Variants in GNAS-AS1 observed in about 807,000 individuals in gnomAD.
GNAS-AS1 encodes the protein GNAS antisense RNA 1 (non-protein coding).
At chr20:58,827,728 A>G (rs564311298) in intron 4 of GNAS-AS1, among the ~76,000 whole-genome samples, 39 of 152,346 alleles carry the variant, frequency 2.6e-4, no homozygotes, top group Admixed American at 1.2e-3. Flanking sequence ...GTGAAGCCCA[A>G]TGAAACACAT....
At chr20:58,839,177 T>C in intron 4 of GNAS-AS1, 1 of 398,592 alleles carries the variant, frequency 2.5e-6, no homozygotes, top group African/African-American at 2.1e-5. Flanking sequence ...GGGCCCTTGT[T>C]GAAGAAGATG....
chr20:58,835,032 T>C (rs2085593265), intron 4 of GNAS-AS1, among the ~76,000 whole-genome samples: 1 of 151,800 alleles, frequency 6.6e-6, no homozygotes, highest in African/African-American at 2.4e-5. Context: ...AGCAGCAAAA[T>C]AGCACCCTAG....
chr20:58,825,988 G>A (rs1191301528), intron 4 of GNAS-AS1: 13 of 398,228 alleles, frequency 3.3e-5, no homozygotes, highest in South Asian at 1.3e-4. Flanking sequence ...CTGAGAGTGC[G>A]CCATTCTCTT....
At chr20:58,831,584 T>C (rs548753057) in intron 4 of GNAS-AS1, among the ~76,000 whole-genome samples, 4 of 152,144 alleles carry the variant, frequency 2.6e-5, no homozygotes, top group African/African-American at 9.6e-5. Flanking sequence ...TGAGCCGAGA[T>C]TGAGCCACTG....
At chr20:58,836,915 G>A (rs986726539) in intron 4 of GNAS-AS1, among the ~76,000 whole-genome samples, 1 of 152,198 alleles carries the variant, frequency 6.6e-6, no homozygotes, top group Admixed American at 6.5e-5. Context: ...CAAAGAAAGC[G>A]CATTGCTAAT....
At chr20:58,848,314 C>G (rs959620795) in intron 2 of GNAS-AS1, among the ~76,000 whole-genome samples, 1 of 152,222 alleles carries the variant, frequency 6.6e-6, no homozygotes, top group East Asian at 1.9e-4. Flanking sequence ...CACACAGCCC[C>G]TCATGACAGG....
intron 4 of GNAS-AS1, chr20:58,826,217 G>T (rs899903380): frequency 2.5e-6 from 1 of 397,074 alleles, no homozygotes; most frequent in African/African-American, 2.1e-5. Context: ...CGAATTATTT[G>T]TAGAGTTATG....
At chr20:58,849,381 G>A (rs1187360040) in intron 1 of GNAS-AS1, among the ~76,000 whole-genome samples, 3 of 152,142 alleles carry the variant, frequency 2.0e-5, no homozygotes, top group Non-Finnish European at 4.4e-5. Context: ...CCTGTCCAGT[G>A]CGCCAATTGT....
chr20:58,844,331 C>A (rs1414783489), intron 2 of GNAS-AS1, among the ~76,000 whole-genome samples: 1 of 152,208 alleles, frequency 6.6e-6, no homozygotes, highest in East Asian at 1.9e-4. Flanking sequence ...TCTAAAAAAT[C>A]ACCCAGCAGA....
At chr20:58,830,186 C>G (rs940887209) in intron 4 of GNAS-AS1, among the ~76,000 whole-genome samples, 1 of 151,402 alleles carries the variant, frequency 6.6e-6, no homozygotes, top group Non-Finnish European at 1.5e-5. Flanking sequence ...TCATAACCAC[C>G]ACCACCACAT....
At chr20:58,823,848 G>A (rs2085502502) in intron 4 of GNAS-AS1, among the ~76,000 whole-genome samples, 1 of 152,164 alleles carries the variant, frequency 6.6e-6, no homozygotes, top group Non-Finnish European at 1.5e-5. Flanking sequence ...CAGGAACAAG[G>A]GTCTGCTCCC....
chr20:58,849,269 T>C (rs914940921), intron 1 of GNAS-AS1, among the ~76,000 whole-genome samples: 4 of 152,176 alleles, frequency 2.6e-5, no homozygotes, highest in Non-Finnish European at 5.9e-5. Context: ...ACACCAAGTC[T>C]AGATGAGATG....
intron 4 of GNAS-AS1, among the ~76,000 whole-genome samples, chr20:58,838,525 C>A (rs1297124352): frequency 6.6e-6 from 1 of 152,130 alleles, no homozygotes; most frequent in Non-Finnish European, 1.5e-5. Context: ...TAATACAATA[C>A]TTTTGTTGTT....
intron 4 of GNAS-AS1, among the ~76,000 whole-genome samples, chr20:58,834,876 A>G (rs2085592039): frequency 6.6e-6 from 1 of 152,226 alleles, no homozygotes; most frequent in South Asian, 2.1e-4. Flanking sequence ...GCCTGGACAG[A>G]AACCAGCCAT....
chr20:58,825,394 CA>C (rs1334381565), intron 4 of GNAS-AS1, among the ~76,000 whole-genome samples: 29 of 152,310 alleles, frequency 1.9e-4, no homozygotes, highest in Non-Finnish European at 3.7e-4. Context: ...GGGACAGGAT[CA>C]AGGAGGTGCT....
At chr20:58,826,208 G>A (rs1375434727) in intron 4 of GNAS-AS1, 2 of 397,556 alleles carry the variant, frequency 5.0e-6, no homozygotes, top group Admixed American at 4.4e-5. Flanking sequence ...ACATTAATAC[G>A]AATTATTTGT....
chr20:58,849,119 T>C (rs749639947), intron 1 of GNAS-AS1, among the ~76,000 whole-genome samples: 23 of 152,154 alleles, frequency 1.5e-4, no homozygotes, highest in Non-Finnish European at 3.1e-4. Flanking sequence ...GGAGACATTT[T>C]TGGTTGTTAA....
At chr20:58,834,758 T>C (rs1290325919) in intron 4 of GNAS-AS1, 1 of 152,300 alleles carries the variant, frequency 6.6e-6, no homozygotes, top group African/African-American at 2.4e-5. Flanking sequence ...AGGGAGCTCC[T>C]GGGAAGACAG....
At chr20:58,849,168 T>C (rs926856527) in intron 1 of GNAS-AS1, among the ~76,000 whole-genome samples, 3 of 152,122 alleles carry the variant, frequency 2.0e-5, no homozygotes, top group Non-Finnish European at 2.9e-5. Flanking sequence ...GGGTAGAGGC[T>C]AGGGATGCTG....
Sources: allele counts gnomAD v4.1 joint callset (sites outside exome capture counted in the v4.1 genomes callset), GRCh38; gene constraint gnomAD v4.1.1; transcripts MANE v1.5; gene names NCBI Gene and HGNC (gene_info 2026-07-23, HGNC 2026-07-21).